The following SLC16A1 variants were observed in gnomAD, a reference collection of about 807,000 sequenced individuals.
SLC16A1 encodes solute carrier family 16 member 1.
SLC16A1 carries 11 observed loss-of-function variants against 32.2 expected under a neutral mutation model. The observed-to-expected ratio is 0.34, with a 90% CI of 0.21 to 0.56. SLC16A1 has a LOEUF of 0.56. Ranked by LOEUF, SLC16A1 falls within the 20% of genes least tolerant of loss-of-function variation. The probability of loss-of-function intolerance (pLI) is 0.87; values close to 1 mark genes in which losing one functional copy is unlikely to be tolerated. For synonymous variants in SLC16A1, 231 were observed against 226.8 expected (o/e 1.02, Z -0.17); for missense variants, 435 against 615.0 (o/e 0.71, Z 3.10).
rs1315628876 is a variant in SLC16A1 at position 112,950,151 on chromosome 1, AT to A, written c.-45+5883del. 4.6e-5 allele frequency among the ~76,000 whole-genome samples: 7 copies of A among 150,788 alleles called. No individual in the cohort carries two copies. In the East Asian group the frequency reaches 1.2e-3, roughly 25 times the overall value. ...TTATAGGTTAATGAAAAGATATAAT[AT>A]TTTTCCCCCAAACAAGTTCACAGAC... On this transcript the variant is annotated intron_variant, in intron 1 of 4. Coordinates refer to ENST00000369626, the MANE Select transcript of SLC16A1 (RefSeq NM_003051.4).
chr1:112,936,737 C>T lies in SLC16A1; in HGVS notation c.-44-7385G>A, dbSNP rs574401470. Among the ~76,000 whole-genome samples, 309 of 152,080 alleles carry T rather than the reference C, an allele frequency of 2.0e-3. 2 individuals are homozygous for T. The highest frequency in any genetic ancestry group is 3.4e-3 in the Non-Finnish European group (234 of 68,012). ...GTGGGAGTAAAAGGCTTTTGGATAA[C>T]TCAAGTTGGAAAAGAAAAAGTAGAG... On this transcript the variant is annotated intron_variant, in intron 1 of 4. Coordinates refer to ENST00000369626, the MANE Select transcript of SLC16A1 (RefSeq NM_003051.4).
intron 1 of SLC16A1, among the ~76,000 whole-genome samples, chr1:112,949,657 T>C (rs1264581655): frequency 6.6e-6 from 1 of 152,152 alleles, no homozygotes; most frequent in Non-Finnish European, 1.5e-5. Context: ...GTAAAACTTA[T>C]GGAACCCTTG....
At chr1:112,916,972 C>T in intron 4 of SLC16A1, 1 of 670,006 alleles carries the variant, frequency 1.5e-6, no homozygotes, top group African/African-American at 1.8e-5. Flanking sequence ...ATATTTGATC[C>T]CCCTTTTGCC....
rs1385858877 is a variant in SLC16A1 at position 112,912,702 on chromosome 1, T to C, written c.*1189A>G. 6.6e-6 allele frequency: 1 copy of C among 152,012 alleles called. No homozygotes were observed. The highest frequency in any genetic ancestry group is 1.5e-5 in the Non-Finnish European group (1 of 67,986). 9.4% of individuals were successfully genotyped at this position (152,012 alleles called of 1,614,324 possible). A position where few individuals can be genotyped will look rare whatever the true frequency, so the allele number is the denominator to read the frequency against. ...GCCTTCTCTGAAAAAAGAGAAGGAA[T>C]TACTTATTAAAACTAAGCACACTTA... On this transcript the variant is annotated 3_prime_UTR_variant, in exon 5 of 5. Coordinates refer to ENST00000369626, the MANE Select transcript of SLC16A1 (RefSeq NM_003051.4).
intron 1 of SLC16A1, among the ~76,000 whole-genome samples, chr1:112,952,795 T>C (rs963585623): frequency 1.3e-5 from 2 of 151,890 alleles, no homozygotes; most frequent in Non-Finnish European, 1.5e-5. Flanking sequence ...AAACAACAGT[T>C]TGAATTTTGT....
At chr1:112,947,369 T>C (rs1261338247) in intron 1 of SLC16A1, among the ~76,000 whole-genome samples, 1 of 152,216 alleles carries the variant, frequency 6.6e-6, no homozygotes. Flanking sequence ...TATTCGAATA[T>C]ATTAATAATA....
intron 4 of SLC16A1, among the ~76,000 whole-genome samples, chr1:112,915,049 G>A (rs773306223): frequency 3.9e-5 from 6 of 152,138 alleles, no homozygotes; most frequent in Non-Finnish European, 7.3e-5. Flanking sequence ...ATTTAAATAT[G>A]ATTCCATATG....
chr1:112,932,067 C>A (rs970393281), intron 1 of SLC16A1, among the ~76,000 whole-genome samples: 3 of 152,192 alleles, frequency 2.0e-5, no homozygotes, highest in Non-Finnish European at 2.9e-5. Flanking sequence ...ATGAACACTT[C>A]AAATACAATT....
chr1:112,945,566 T>C (rs1649670763), intron 1 of SLC16A1, among the ~76,000 whole-genome samples: 1 of 151,024 alleles, frequency 6.6e-6, no homozygotes, highest in Admixed American at 6.6e-5. Context: ...TCCCAGCTAC[T>C]TGGGAGGCTG....
chr1:112,935,031 G>GA (rs1418212606), intron 1 of SLC16A1, among the ~76,000 whole-genome samples: 1 of 152,120 alleles, frequency 6.6e-6, no homozygotes, highest in Non-Finnish European at 1.5e-5. Flanking sequence ...TAAAACATTA[G>GA]AAAAAACTGT....
At chr1:112,935,988 A>G (rs1386090642) in intron 1 of SLC16A1, 2 of 151,894 alleles carry the variant, frequency 1.3e-5, no homozygotes, top group African/African-American at 4.8e-5. Context: ...TTCATTCTGG[A>G]TGGTTTCTTC....
rs1648557562 is a variant in SLC16A1, at chr1:112,917,507, A to C, written c.899T>G (p.Phe300Cys). ...AACAAAAGCCAGAATGGAAAGAAGG[A>C]AGGCAGACTTCTCACTAGAATAATG... ...SQHYSSEKSA[F>C]LLSILAFVDM... Residue 300 changes from phenylalanine (F) to cysteine (C), a missense_variant, in exon 4 of 5, where the codon TTC becomes TGC. Around this residue, in one of 2 missense-constraint regions of SLC16A1, gnomAD observed 324 missense variants for 500.3 expected, o/e 0.65. Coordinates refer to ENST00000369626, the MANE Select transcript of SLC16A1 (RefSeq NM_003051.4). The surrounding 1 kb of genome is among the most constrained non-coding windows in gnomAD (Gnocchi z 4.1). 3 of 1,614,210 alleles carry C rather than the reference A, an allele frequency of 1.9e-6. No individual in the cohort carries two copies. The highest frequency in any genetic ancestry group is 1.7e-6 in the Non-Finnish European group (2 of 1,180,042).
At chr1:112,925,208 C>CT (rs1491189448) in intron 2 of SLC16A1, among the ~76,000 whole-genome samples, 5 of 152,144 alleles carry the variant, frequency 3.3e-5, no homozygotes, top group Middle Eastern at 3.2e-3. Flanking sequence ...ACCAGTCTCC[C>CT]TCTGTGGCTG....
rs1648333958 is a variant in SLC16A1 at position 112,911,930 on chromosome 1, TAGAAGGTAAGAGAGA to T, written c.*1946_*1960del. Reference sequence around the variant, plus strand: ...TCACCAACAGTAATCCTCATTTTTATAGAAGGTAAGAGAGAAGAAGTACGCAGAGGTTACAGACTT... The same window carrying T: ...TCACCAACAGTAATCCTCATTTTTATAGAAGTACGCAGAGGTTACAGACTT... On this transcript the variant is annotated 3_prime_UTR_variant, in exon 5 of 5. Transcript: ENST00000369626. 1.3e-5 allele frequency: 2 copies of T among 152,254 alleles called. No individual in the cohort carries two copies. Among genetic ancestry groups the T allele is most frequent in the South Asian group, 4.1e-4 (2 of 4,832 alleles). 9.4% of individuals were successfully genotyped at this position (152,254 alleles called of 1,614,324 possible).
At chr1:112,947,853 G>C (rs1649755244) in intron 1 of SLC16A1, among the ~76,000 whole-genome samples, 1 of 152,148 alleles carries the variant, frequency 6.6e-6, no homozygotes, top group East Asian at 1.9e-4. Context: ...TCTCACAAAA[G>C]AGTATTAAAA....
chr1:112,930,587 T>A lies in SLC16A1; in HGVS notation c.-44-1235A>T, dbSNP rs528802045. ...AAATAGCTTCTCACCACTTAAGAAA[T>A]CATAATTGAAATAAATCCCTTTCAA... On this transcript the variant is annotated intron_variant, in intron 1 of 4. Transcript: ENST00000369626. Among the ~76,000 whole-genome samples, 260 of 152,254 alleles carry A rather than the reference T, an allele frequency of 1.7e-3. 1 individual carries two copies. The highest frequency in any genetic ancestry group is 4.6e-3 in the South Asian group (22 of 4,826).
intron 2 of SLC16A1, chr1:112,923,553 C>A: frequency 8.1e-7 from 1 of 1,230,510 alleles, no homozygotes; most frequent in Non-Finnish European, 1.2e-6. Context: ...CAAGACCATC[C>A]TGGGTGGCCT....
intron 1 of SLC16A1, among the ~76,000 whole-genome samples, chr1:112,930,332 A>T (rs1649085980): frequency 6.6e-6 from 1 of 152,168 alleles, no homozygotes; most frequent in African/African-American, 2.4e-5. Flanking sequence ...TGTGGGGGAA[A>T]AAAACCCCCA....
chr1:112,920,677 A>G (rs1648692541), intron 3 of SLC16A1, among the ~76,000 whole-genome samples: 1 of 152,212 alleles, frequency 6.6e-6, no homozygotes, highest in Non-Finnish European at 1.5e-5. Flanking sequence ...AAGTGCAGTA[A>G]ACAGAAGTGG....
Sources: allele counts gnomAD v4.1 joint callset (sites outside exome capture counted in the v4.1 genomes callset), GRCh38; gene constraint gnomAD v4.1.1; regional missense constraint gnomAD v4.1.1; non-coding constraint Gnocchi (gnomAD v3.1); transcripts MANE v1.5; gene names NCBI Gene and HGNC (gene_info 2026-07-23, HGNC 2026-07-21).